The following MARCHF1 variants were observed in gnomAD, a reference collection of about 807,000 sequenced individuals.
MARCHF1 encodes the protein E3 ubiquitin-protein ligase MARCHF1.
A neutral mutation model predicts 54.2 loss-of-function variants in MARCHF1; 40 were observed. The ratio of observed to expected loss-of-function variants is 0.74; its 90% CI spans 0.57 to 0.96. The LOEUF is 0.96. Among genes scored for constraint, MARCHF1 ranks in the 40% least tolerant of loss-of-function variants. The probability of loss-of-function intolerance (pLI) is 0.00; values close to 1 mark genes in which losing one functional copy is unlikely to be tolerated. For missense variants in MARCHF1, 586 were observed against 656.5 expected (o/e 0.89, Z 1.17); for synonymous variants, 236 against 236.3 (o/e 1.00, Z 0.01).
chr4:164,107,678 T>C (rs1468291693), intron 2 of MARCHF1, among the ~76,000 whole-genome samples: 1 of 152,150 alleles, frequency 6.6e-6, no homozygotes, highest in Non-Finnish European at 1.5e-5. Flanking sequence ...TATTAATTTC[T>C]ATTTCTCTCA....
chr4:164,145,255 T>G (rs1208229107), intron 1 of MARCHF1, among the ~76,000 whole-genome samples: 2 of 152,206 alleles, frequency 1.3e-5, no homozygotes, highest in African/African-American at 2.4e-5. Flanking sequence ...AAGGAAGAAC[T>G]GGTACCATTC....
intron 1 of MARCHF1, among the ~76,000 whole-genome samples, chr4:164,313,990 A>G (rs1038111891): frequency 6.6e-6 from 1 of 152,254 alleles, no homozygotes; most frequent in Non-Finnish European, 1.5e-5. Flanking sequence ...TTCTATTCAG[A>G]TGCCAGAAGG....
rs949615962 is a variant in MARCHF1, at chr4:163,909,104, T to G, written c.-38-54935A>C. On this transcript the variant is annotated intron_variant, in intron 3 of 9. Coordinates refer to ENST00000514618, the MANE Select transcript of MARCHF1 (RefSeq NM_001394959.1). ...TTGTGGAACTTTTAGGATTAAAAAT[T>G]ATTTTTAATGTGTTAATTGATACAC... Among the ~76,000 whole-genome samples, 3 of 152,326 alleles carry G rather than the reference T, an allele frequency of 2.0e-5. No homozygotes were observed. The South Asian group carries it at 6.2e-4, about 32-fold the overall frequency.
At chr4:163,908,595 T>C (rs1751121506) in intron 3 of MARCHF1, among the ~76,000 whole-genome samples, 1 of 152,100 alleles carries the variant, frequency 6.6e-6, no homozygotes, top group African/African-American at 2.4e-5. Flanking sequence ...GAATGTAGAT[T>C]AGATGATGGG....
At chr4:164,265,056 A>G (rs372616741) in intron 1 of MARCHF1, among the ~76,000 whole-genome samples, 6 of 152,112 alleles carry the variant, frequency 3.9e-5, no homozygotes, top group East Asian at 1.9e-4. Context: ...AAAATTATTG[A>G]TTCATACTCT....
intron 4 of MARCHF1, among the ~76,000 whole-genome samples, chr4:163,750,467 C>T (rs966122703): frequency 8.1e-5 from 12 of 149,050 alleles, no homozygotes; most frequent in African/African-American, 2.7e-4. Context: ...GCTGAGATCG[C>T]GCCACTGCAC....
At chr4:163,885,742 T>A (rs913158638) in intron 3 of MARCHF1, among the ~76,000 whole-genome samples, 8 of 151,910 alleles carry the variant, frequency 5.3e-5, no homozygotes, top group Non-Finnish European at 1.2e-4. Flanking sequence ...AATGATCCCA[T>A]ATATGGCTTA....
chr4:163,932,668 C>T (rs1045120958), intron 3 of MARCHF1: 12 of 486,818 alleles, frequency 2.5e-5, no homozygotes, highest in African/African-American at 9.9e-5. Context: ...TACATGAGTG[C>T]GGTTGGGGGC....
At chr4:163,627,011 A>T (rs958091803) in intron 5 of MARCHF1, among the ~76,000 whole-genome samples, 2 of 152,180 alleles carry the variant, frequency 1.3e-5, no homozygotes, top group Non-Finnish European at 2.9e-5. Flanking sequence ...GTTGTGAAAA[A>T]TTTATTTAAT....
intron 8 of MARCHF1, among the ~76,000 whole-genome samples, chr4:163,569,743 A>G (rs1406747642): frequency 6.6e-6 from 1 of 152,172 alleles, no homozygotes; most frequent in African/African-American, 2.4e-5. Flanking sequence ...GATTAAAATT[A>G]TAGGCTATTG....
intron 1 of MARCHF1, among the ~76,000 whole-genome samples, chr4:164,315,722 G>A (rs1734978957): frequency 6.6e-6 from 1 of 152,176 alleles, no homozygotes; most frequent in African/African-American, 2.4e-5. Context: ...CTAGAGCATT[G>A]AGAGGTATTG....
At chr4:164,215,301 TG>T (rs1033834758) in intron 1 of MARCHF1, among the ~76,000 whole-genome samples, 32 of 152,282 alleles carry the variant, frequency 2.1e-4, no homozygotes, top group African/African-American at 7.2e-4. Context: ...GCCAGCGTTC[TG>T]GCGTCTGTCA....
At chr4:163,769,735 A>C (rs1007268793) in intron 4 of MARCHF1, among the ~76,000 whole-genome samples, 1 of 152,214 alleles carries the variant, frequency 6.6e-6, no homozygotes, top group Admixed American at 6.5e-5. Context: ...GTAGCCGGGC[A>C]CACTTAATTA....
At chr4:163,976,870 C>T (rs766361395) in intron 3 of MARCHF1, among the ~76,000 whole-genome samples, 2 of 152,074 alleles carry the variant, frequency 1.3e-5, no homozygotes, top group Non-Finnish European at 2.9e-5. Context: ...CACCAGTCAC[C>T]GTAGAGTAAC....
Position 164,381,803 on chromosome 4 carries a change from C to T in MARCHF1, c.-323+2067G>A, listed in dbSNP as rs562296379. Among the ~76,000 whole-genome samples, 63 of 152,136 alleles carry T rather than the reference C, an allele frequency of 4.1e-4. 1 individual carries two copies. The highest frequency in any genetic ancestry group is 1.2e-3 in the African/African-American group (49 of 41,500). The stretch of plus-strand genomic sequence containing the variant: ...ACATGAGCAACAGGTTCTCTAAGAA[C>T]CTTAAAGTAAAACCCCATTATCATA... On this transcript the variant is annotated intron_variant, in intron 1 of 9. Coordinates refer to ENST00000514618, the MANE Select transcript of MARCHF1 (RefSeq NM_001394959.1).
chr4:164,267,936 C>T (rs1200218962), intron 1 of MARCHF1, among the ~76,000 whole-genome samples: 1 of 151,660 alleles, frequency 6.6e-6, no homozygotes, highest in Non-Finnish European at 1.5e-5. Flanking sequence ...AATCTGCAAG[C>T]TGAGAATTTA....
Position 163,770,016 on chromosome 4 carries a change from C to T in MARCHF1, c.112-69153G>A, listed in dbSNP as rs549593055. On this transcript the variant is annotated intron_variant, in intron 4 of 9. Coordinates refer to ENST00000514618, the MANE Select transcript of MARCHF1 (RefSeq NM_001394959.1). ...TAAAGACCTTTATGATGATTCACTT[C>T]CATTTAATGAACAGTAGATATATTT... Among the ~76,000 whole-genome samples the T allele has an allele frequency of 2.6e-5, 4 of 152,182 alleles. No homozygotes were observed. In the South Asian group the frequency reaches 8.3e-4, roughly 32 times the overall value.
chr4:164,144,181 C>A (rs28800836), intron 1 of MARCHF1, among the ~76,000 whole-genome samples: 1 of 147,410 alleles, frequency 6.8e-6, no homozygotes, highest in African/African-American at 2.6e-5. Flanking sequence ...CAAGTCCTGA[C>A]TGACCTACAA....
chr4:164,157,967 C>T (rs1326480273), intron 1 of MARCHF1, among the ~76,000 whole-genome samples: 2 of 152,120 alleles, frequency 1.3e-5, no homozygotes, highest in Non-Finnish European at 2.9e-5. Flanking sequence ...TTTTCCAATG[C>T]CATTTTTGAT....
Sources: gnomAD v4.1 joint callset for allele counts (sites outside exome capture counted in the v4.1 genomes callset) on GRCh38, gnomAD v4.1.1 for gene constraint, MANE v1.5 for transcripts, NCBI Gene and HGNC (gene_info 2026-07-23, HGNC 2026-07-21) for gene names.